LGSN: variants seen among roughly 807,000 people sequenced by gnomAD.
LGSN encodes lengsin, lens protein with glutamine synthetase domain.
LGSN carries 21 observed loss-of-function variants against 19.5 expected under a neutral mutation model. The observed-to-expected ratio is 1.07, with a 90% CI of 0.76 to 1.55. The LOEUF (loss-of-function observed/expected upper bound fraction) is 1.55. Ranked by LOEUF, LGSN falls within the 40% of genes most tolerant of loss-of-function variation. LGSN has a pLI of 0.00. For missense variants in LGSN, 673 were observed against 608.5 expected, an observed-to-expected ratio of 1.11 and a Z score of -1.12; for synonymous variants, 257 against 215.6, an observed-to-expected ratio of 1.19 and a Z score of -1.68.
the LGSN span, among the ~76,000 whole-genome samples, chr6:63,532,365 T>C: frequency 2.0e-5 from 3 of 152,210 alleles, no homozygotes; most frequent in Non-Finnish European, 4.4e-5. Flanking sequence ...TCTGGATTCA[T>C]ACCTCTCAAA....
At chr6:63,461,919 T>C in the LGSN span, among the ~76,000 whole-genome samples, 1 of 152,232 alleles carries the variant, frequency 6.6e-6, no homozygotes, top group African/African-American at 2.4e-5. Context: ...CATCTAAGTA[T>C]GAACATAGAT....
intron 3 of LGSN, among the ~76,000 whole-genome samples, chr6:63,283,930 C>T (rs1767424411): frequency 6.6e-6 from 1 of 152,038 alleles, no homozygotes; most frequent in Non-Finnish European, 1.5e-5. Flanking sequence ...AAATTCCTGA[C>T]CTCAGGTGAT....
At chr6:63,563,957 A>G in the LGSN span, among the ~76,000 whole-genome samples, 2 of 152,224 alleles carry the variant, frequency 1.3e-5, no homozygotes, top group African/African-American at 4.8e-5. Flanking sequence ...GTGCATTAAT[A>G]TGTCTGAGGA....
the LGSN span, among the ~76,000 whole-genome samples, chr6:63,351,328 G>GAC: frequency 6.6e-6 from 1 of 151,770 alleles, no homozygotes; most frequent in Non-Finnish European, 1.5e-5. Flanking sequence ...AAAAGATTAA[G>GAC]ACAAAAGGAA....
At chr6:63,289,848 C>T (rs1413366754) in intron 2 of LGSN, among the ~76,000 whole-genome samples, 3 of 152,098 alleles carry the variant, frequency 2.0e-5, no homozygotes, top group Non-Finnish European at 4.4e-5. Flanking sequence ...CAGCTTATTG[C>T]ACACCTAGCA....
chr6:63,383,514 G>T, the LGSN span, among the ~76,000 whole-genome samples: 1 of 151,542 alleles, frequency 6.6e-6, no homozygotes, highest in African/African-American at 2.4e-5. Flanking sequence ...TTTTGAACAG[G>T]GCGTTTTTTT....
chr6:63,470,133 GAGAA>G, the LGSN span, among the ~76,000 whole-genome samples: 1 of 152,012 alleles, frequency 6.6e-6, no homozygotes, highest in Admixed American at 6.6e-5. Context: ...GAGAAAAAGA[GAGAA>G]AGGAAGGAAG....
At chr6:63,444,440 A>G in the LGSN span, among the ~76,000 whole-genome samples, 1 of 152,344 alleles carries the variant, frequency 6.6e-6, no homozygotes, top group South Asian at 2.1e-4. Flanking sequence ...AGACTGTTAC[A>G]CAAGTGGTTG....
the LGSN span, among the ~76,000 whole-genome samples, chr6:63,540,412 G>T: frequency 2.0e-5 from 3 of 152,168 alleles, no homozygotes; most frequent in Non-Finnish European, 4.4e-5. Context: ...CTTGAGGTCA[G>T]GAGTTTGAGA....
At chr6:63,337,813 C>CTT in the LGSN span, among the ~76,000 whole-genome samples, 1 of 151,926 alleles carries the variant, frequency 6.6e-6, no homozygotes, top group African/African-American at 2.4e-5. Context: ...CAAAAACAAA[C>CTT]AACAAAAATA....
At chr6:63,473,472 T>TAA in the LGSN span, among the ~76,000 whole-genome samples, 251 of 59,374 alleles carry the variant, frequency 4.2e-3, 10 homozygotes, top group African/African-American at 0.014. Flanking sequence ...ACACTCTGTC[T>TAA]AAAAAAAAAA....
chr6:63,449,319 G>A, the LGSN span, among the ~76,000 whole-genome samples: 1 of 152,116 alleles, frequency 6.6e-6, no homozygotes, highest in Non-Finnish European at 1.5e-5. Context: ...GGCCGAGGCG[G>A]GCGGATCACA....
the LGSN span, among the ~76,000 whole-genome samples, chr6:63,388,605 C>A: frequency 2.6e-5 from 4 of 152,108 alleles, no homozygotes; most frequent in African/African-American, 7.2e-5. Flanking sequence ...TCAGAAGAAA[C>A]CAACCCTGCC....
chr6:63,279,995 C>A lies in LGSN; in HGVS notation c.*26G>T, dbSNP rs1376353881. 3 of 1,541,180 alleles carry A rather than the reference C, an allele frequency of 1.9e-6. No homozygotes were observed. The East Asian group carries it at 6.8e-5, about 35-fold the overall frequency. On this transcript the variant is annotated 3_prime_UTR_variant, in exon 4 of 4. Transcript: ENST00000370657. ...TTAGCTTTAAGTAACAATTACATGT[C>A]TAAAGGAGTAGTTGTGAGCTCTATT...
the LGSN span, among the ~76,000 whole-genome samples, chr6:63,440,467 G>A: frequency 2.0e-5 from 3 of 152,066 alleles, no homozygotes; most frequent in Non-Finnish European, 4.4e-5. Flanking sequence ...GTGTCTGTCT[G>A]CCTAAATTTT....
rs570329674 is a variant in LGSN at position 63,276,878 on chromosome 6, A to T, written c.*3143T>A. On this transcript the variant is annotated 3_prime_UTR_variant, in exon 4 of 4. Transcript: ENST00000370657. ...ACAGATGAAAGAAATAGAAAAATAG[A>T]TAACTGATTTTTACATGTACCTACC... The T allele has an allele frequency of 3.3e-5, 5 of 152,336 alleles. No individual in the cohort carries two copies. The South Asian group carries it at 1.0e-3, about 32-fold the overall frequency. 9.4% of individuals were successfully genotyped at this position (152,336 alleles called of 1,614,324 possible). A position where few individuals can be genotyped will look rare whatever the true frequency, so the allele number is the denominator to read the frequency against.
the LGSN span, among the ~76,000 whole-genome samples, chr6:63,523,780 G>A: frequency 6.6e-6 from 1 of 151,986 alleles, no homozygotes; most frequent in Admixed American, 6.6e-5. Context: ...TATTTCATGT[G>A]TGGCCCAGAC....
the LGSN span, among the ~76,000 whole-genome samples, chr6:63,431,784 T>C: frequency 6.6e-6 from 1 of 151,978 alleles, no homozygotes; most frequent in Admixed American, 6.6e-5. Flanking sequence ...GAAACAGCAT[T>C]GGCCGGGTGC....
At chr6:63,325,345 C>A in the LGSN span, among the ~76,000 whole-genome samples, 1 of 151,974 alleles carries the variant, frequency 6.6e-6, no homozygotes. Context: ...ATTAATAAAT[C>A]CCTAGCTAGA....
Sources: gnomAD v4.1 joint callset for allele counts (sites outside exome capture counted in the v4.1 genomes callset) on GRCh38, gnomAD v4.1.1 for gene constraint, MANE v1.5 for transcripts, NCBI Gene and HGNC (gene_info 2026-07-23, HGNC 2026-07-21) for gene names.